CNTN1: variants seen among roughly 807,000 people sequenced by gnomAD.
The protein encoded by CNTN1 is contactin-1.
Under a neutral mutation model 126.4 loss-of-function variants are expected in CNTN1, and 38 were observed. That is an observed-to-expected ratio of 0.30 (90% CI 0.23 to 0.39). The LOEUF is 0.39. Among genes scored for constraint, CNTN1 ranks in the 10% least tolerant of loss-of-function variants. The pLI is 1.00. For missense variants in CNTN1, 1,009 were observed against 1,248.4 expected, an observed-to-expected ratio of 0.81 and a Z score of 2.89; for synonymous variants, 413 against 422.6, an observed-to-expected ratio of 0.98 and a Z score of 0.28.
chr12:40,700,641 A>T (rs2121107979), intron 1 of CNTN1, among the ~76,000 whole-genome samples: 1 of 152,316 alleles, frequency 6.6e-6, no homozygotes, highest in East Asian at 1.9e-4. Context: ...GGAGAACCAG[A>T]TAGGTCAAAT....
In CNTN1 at chr12:41,032,965, C is replaced by A. The variant is rs117521911; in HGVS notation, c.2980+3746C>A. ...TTCTGTATAGAGAAAAGCCCACTAA[C>A]AAGAATAACTTGGGCAACTTAAAAC... On this transcript the variant is annotated intron_variant, in intron 23 of 23. Transcript: ENST00000551295. 1.4e-3 allele frequency among the ~76,000 whole-genome samples: 218 copies of A among 152,262 alleles called. 2 individuals are homozygous for A. Among genetic ancestry groups the A allele is most frequent in the Non-Finnish European group, 1.8e-3 (123 of 68,004 alleles).
intron 1 of CNTN1, among the ~76,000 whole-genome samples, chr12:40,905,687 A>T (rs1944783101): frequency 6.6e-6 from 1 of 152,110 alleles, no homozygotes; most frequent in Non-Finnish European, 1.5e-5. Context: ...CAATTGCTTG[A>T]TTGGCATTAA....
At chr12:40,757,798 A>G (rs1938671391) in intron 1 of CNTN1, among the ~76,000 whole-genome samples, 2 of 152,156 alleles carry the variant, frequency 1.3e-5, no homozygotes, top group African/African-American at 2.4e-5. Context: ...TATCTATCTT[A>G]AGTTAGTCTT....
At chr12:40,865,114 C>A (rs77877836) in intron 1 of CNTN1, among the ~76,000 whole-genome samples, 14,838 of 152,058 alleles carry the variant, frequency 0.098, 850 homozygotes, top group Non-Finnish European at 0.13. Context: ...GATGTCTTTT[C>A]ATGCGATCAT....
chr12:40,904,336 CCTT>C (rs1311477097), intron 1 of CNTN1, among the ~76,000 whole-genome samples: 9 of 144,934 alleles, frequency 6.2e-5, no homozygotes, highest in Non-Finnish European at 1.3e-4. Flanking sequence ...TTTTCCTTCT[CCTT>C]CTTCTTCTTT....
At chr12:40,794,174 A>G (rs1476742879) in intron 1 of CNTN1, among the ~76,000 whole-genome samples, 2 of 152,096 alleles carry the variant, frequency 1.3e-5, no homozygotes, top group African/African-American at 2.4e-5. Flanking sequence ...CTTTGCATGA[A>G]TATTTTTTAG....
chr12:41,025,381 G>C, intron 21 of CNTN1, 45 bp downstream of exon 21: 1 of 1,572,434 alleles, frequency 6.4e-7, no homozygotes, highest in South Asian at 1.1e-5. Context: ...AACTACCACT[G>C]GATTCAATCA....
Position 40,751,409 on chromosome 12 carries a change from C to T in CNTN1, c.-77+58817C>T, listed in dbSNP as rs79385583. ...ATGGACATTGTGGAAAACATATAGACAAAAATTTCTATCCTCAAATTTCTT... is the reference window on the plus strand; with the variant it reads ...ATGGACATTGTGGAAAACATATAGATAAAAATTTCTATCCTCAAATTTCTT... On this transcript the variant is annotated intron_variant, in intron 1 of 23. Transcript: ENST00000551295. Among the ~76,000 whole-genome samples, 1,041 of 152,070 alleles carry T rather than the reference C, an allele frequency of 6.8e-3. 5 individuals carry two copies. The highest frequency in any genetic ancestry group is 9.2e-3 in the Non-Finnish European group (625 of 67,942).
chr12:40,917,064 G>GGT (rs62903960), intron 3 of CNTN1, among the ~76,000 whole-genome samples: 26 of 74,538 alleles, frequency 3.5e-4, no homozygotes, highest in African/African-American at 2.5e-3. Context: ...GTGGGGGCGG[G>GGT]GGGGGGGGCA....
intron 16 of CNTN1, among the ~76,000 whole-genome samples, chr12:40,984,646 AG>A (rs1947908749): frequency 6.6e-6 from 1 of 152,166 alleles, no homozygotes; most frequent in Non-Finnish European, 1.5e-5. Flanking sequence ...TCCTCTTATT[AG>A]GCCCCACCTC....
intron 1 of CNTN1, among the ~76,000 whole-genome samples, chr12:40,709,080 T>G (rs1225929795): frequency 1.3e-5 from 2 of 152,206 alleles, no homozygotes; most frequent in Non-Finnish European, 2.9e-5. Context: ...GGAATTAGTA[T>G]CTATGCAGCT....
At chr12:41,010,652 C>T (rs759649709) in intron 17 of CNTN1, among the ~76,000 whole-genome samples, 15 of 152,156 alleles carry the variant, frequency 9.9e-5, no homozygotes, top group Non-Finnish European at 1.5e-4. Context: ...GAGCTGTCCT[C>T]GACTGATTCA....
At chr12:40,879,849 G>A (rs1423110674) in intron 1 of CNTN1, among the ~76,000 whole-genome samples, 1 of 151,674 alleles carries the variant, frequency 6.6e-6, no homozygotes, top group East Asian at 1.9e-4. Flanking sequence ...TTTTTTCTCT[G>A]TTGGGCATTT....
At chr12:41,000,199 T>A (rs1948322300) in intron 17 of CNTN1, among the ~76,000 whole-genome samples, 1 of 152,206 alleles carries the variant, frequency 6.6e-6, no homozygotes, top group African/African-American at 2.4e-5. Context: ...ATATTGCTTA[T>A]AATGAAAAAC....
chr12:40,832,776 C>G (rs1036570949), intron 1 of CNTN1, among the ~76,000 whole-genome samples: 2 of 152,092 alleles, frequency 1.3e-5, no homozygotes, highest in Non-Finnish European at 2.9e-5. Context: ...GCAAACCAAC[C>G]AATCCAGAGC....
rs139969244 is a variant in CNTN1 at position 40,722,697 on chromosome 12, T to C, written c.-77+30105T>C. On this transcript the variant is annotated intron_variant, in intron 1 of 23. Transcript: ENST00000551295. ...ATTTTGTGGTACAGGAGAAAAGTAG[T>C]GTTAATGTAGAATAAGTCTAGTAAT... Among the ~76,000 whole-genome samples the C allele has an allele frequency of 4.8e-3, 731 of 152,220 alleles. 7 individuals are homozygous for C. Among genetic ancestry groups the C allele is most frequent in the African/African-American group, 0.017 (696 of 41,532 alleles).
chr12:40,737,714 G>A (rs563709286), intron 1 of CNTN1, among the ~76,000 whole-genome samples: 1 of 152,006 alleles, frequency 6.6e-6, no homozygotes, highest in African/African-American at 2.4e-5. Context: ...TTAATACTTT[G>A]TATCTTTCAA....
At chr12:40,707,042 T>A (rs10784806) in intron 1 of CNTN1, among the ~76,000 whole-genome samples, 38 of 149,324 alleles carry the variant, frequency 2.5e-4, no homozygotes, top group Non-Finnish European at 5.2e-4. Flanking sequence ...GCGCGCGCGC[T>A]TGCGCACACA....
chr12:40,957,741 C>T (rs1002533382), intron 14 of CNTN1, among the ~76,000 whole-genome samples: 12 of 151,890 alleles, frequency 7.9e-5, no homozygotes, highest in African/African-American at 2.9e-4. Flanking sequence ...AGATCTCAAT[C>T]GACATTAAAT....
Sources: gnomAD v4.1 joint callset for allele counts (sites outside exome capture counted in the v4.1 genomes callset) on GRCh38, gnomAD v4.1.1 for gene constraint, MANE v1.5 for transcripts, NCBI Gene and HGNC (gene_info 2026-07-23, HGNC 2026-07-21) for gene names.